ASTN2: variants seen among roughly 807,000 people sequenced by gnomAD.
ASTN2 encodes the protein astrotactin-2.
A neutral mutation model predicts 139.8 loss-of-function variants in ASTN2; 54 were observed. The ratio of observed to expected loss-of-function variants is 0.39; its 90% CI spans 0.31 to 0.48. The LOEUF is 0.48. ASTN2 is among the 20% of genes least tolerant of loss of function. The probability of loss-of-function intolerance (pLI) is 0.95; values close to 1 mark genes in which losing one functional copy is unlikely to be tolerated. For synonymous variants in ASTN2, 756 were observed against 719.5 expected (o/e 1.05, Z -0.81); for missense variants, 1,565 against 1,725.1 (o/e 0.91, Z 1.64).
chr9:116,827,460 A>T (rs994972318), intron 11 of ASTN2, among the ~76,000 whole-genome samples: 1 of 152,092 alleles, frequency 6.6e-6, no homozygotes, highest in Non-Finnish European at 1.5e-5. Context: ...TGAAAAAATA[A>T]TTTTTTGAAA....
At chr9:117,362,132 G>T (rs1003023569) in intron 1 of ASTN2, among the ~76,000 whole-genome samples, 6 of 152,092 alleles carry the variant, frequency 3.9e-5, no homozygotes, top group African/African-American at 1.4e-4. Context: ...GCACCAACAG[G>T]TCCAGCTAAT....
At chr9:116,586,126 T>C (rs976528456) in intron 19 of ASTN2, 3 of 152,176 alleles carry the variant, frequency 2.0e-5, no homozygotes, top group Admixed American at 6.5e-5. Flanking sequence ...GAATGGCTAT[T>C]ATCAAAAAGT....
intron 5 of ASTN2, among the ~76,000 whole-genome samples, chr9:117,079,260 G>A (rs1038514239): frequency 3.4e-4 from 52 of 152,154 alleles, no homozygotes; most frequent in Admixed American, 1.1e-3. Context: ...GGGGGCTGGG[G>A]AAGGAGGATT....
chr9:116,990,932 A>G (rs1431239523), intron 7 of ASTN2, among the ~76,000 whole-genome samples: 1 of 152,164 alleles, frequency 6.6e-6, no homozygotes, highest in African/African-American at 2.4e-5. Flanking sequence ...AGGTCACCTG[A>G]ACTTACCTGA....
chr9:117,105,432 A>T (rs1043771493), intron 4 of ASTN2, among the ~76,000 whole-genome samples: 5 of 152,056 alleles, frequency 3.3e-5, no homozygotes, highest in African/African-American at 1.2e-4. Flanking sequence ...GGTGGCAAAA[A>T]CATGAGAGAA....
intron 5 of ASTN2, among the ~76,000 whole-genome samples, chr9:117,078,772 G>C: frequency 6.6e-6 from 1 of 152,068 alleles, no homozygotes; most frequent in Admixed American, 6.6e-5. Flanking sequence ...GTCTCACTCT[G>C]CTCCTCAGTC....
chr9:116,559,901 CTTAGT>C (rs1170303067), intron 19 of ASTN2, among the ~76,000 whole-genome samples: 1 of 152,114 alleles, frequency 6.6e-6, no homozygotes, highest in African/African-American at 2.4e-5. Flanking sequence ...CCTCTTTCTT[CTTAGT>C]TTACTCTTCA....
chr9:117,319,866 G>T (rs1348711793), intron 1 of ASTN2, among the ~76,000 whole-genome samples: 1 of 152,134 alleles, frequency 6.6e-6, no homozygotes, highest in Admixed American at 6.5e-5. Flanking sequence ...AACCCATCAA[G>T]ACATTTAGTG....
chr9:116,705,381 G>A (rs803917), intron 16 of ASTN2, among the ~76,000 whole-genome samples: 101,146 of 152,010 alleles, frequency 0.67, 34,314 homozygotes, highest in East Asian at 0.87. Context: ...CCCTGCAACC[G>A]CAAAGGAAAA....
chr9:117,283,436 G>C (rs79955587), intron 2 of ASTN2, among the ~76,000 whole-genome samples: 1 of 151,820 alleles, frequency 6.6e-6, no homozygotes, highest in Admixed American at 6.6e-5. Flanking sequence ...AAAAAAAAAC[G>C]TGAATGATAC....
intron 7 of ASTN2, among the ~76,000 whole-genome samples, chr9:117,004,410 C>T (rs1207708706): frequency 6.6e-6 from 1 of 152,134 alleles, no homozygotes; most frequent in Non-Finnish European, 1.5e-5. Context: ...TGAGGCATCG[C>T]ACCTGGCCCA....
intron 3 of ASTN2, among the ~76,000 whole-genome samples, chr9:117,201,808 A>G (rs1366583787): frequency 6.6e-6 from 1 of 152,166 alleles, no homozygotes; most frequent in African/African-American, 2.4e-5. Context: ...AGAAGAATGT[A>G]TATTCTGCTG....
chr9:116,921,692 T>TA (rs1338670209), intron 10 of ASTN2, among the ~76,000 whole-genome samples: 1 of 151,834 alleles, frequency 6.6e-6, no homozygotes, highest in Non-Finnish European at 1.5e-5. Context: ...TCAGGAAACT[T>TA]ACAATCGTGT....
intron 13 of ASTN2, among the ~76,000 whole-genome samples, chr9:116,797,289 A>C (rs531019107): frequency 1.3e-5 from 2 of 152,348 alleles, no homozygotes; most frequent in African/African-American, 4.8e-5. Flanking sequence ...AGTGGTTTGA[A>C]AAAAGAAAGT....
chr9:116,906,527 A>G (rs576167310), intron 10 of ASTN2, among the ~76,000 whole-genome samples: 2 of 152,120 alleles, frequency 1.3e-5, no homozygotes, highest in Non-Finnish European at 2.9e-5. Context: ...CCCAACGCCC[A>G]TGGAATGCCA....
At chr9:116,798,542 C>T (rs1453149038) in intron 13 of ASTN2, among the ~76,000 whole-genome samples, 1 of 152,198 alleles carries the variant, frequency 6.6e-6, no homozygotes, top group Non-Finnish European at 1.5e-5. Flanking sequence ...GTCTGTGCTT[C>T]AGTGTCCCAC....
At position 116,699,529 on chromosome 9, in the gene ASTN2, G is replaced by T. The variant is rs750300057; in HGVS notation, c.2806+26242C>A. On this transcript the variant is annotated intron_variant, in intron 16 of 22. Coordinates refer to ENST00000313400, the MANE Select transcript of ASTN2 (RefSeq NM_001365068.1). This position sits in a 1 kb window ranked among gnomAD's most constrained non-coding sequence, Gnocchi z 4.2. ...GATCTCATCGTGGCTGACAGTAGTCGCAAGGAAATTCTCCATTTTCCTAAG... is the reference window on the plus strand; with the variant it reads ...GATCTCATCGTGGCTGACAGTAGTCTCAAGGAAATTCTCCATTTTCCTAAG... The T allele has an allele frequency of 1.2e-6, 2 of 1,614,160 alleles. No homozygotes were observed. The highest frequency in any genetic ancestry group is 1.7e-6 in the Non-Finnish European group (2 of 1,180,026).
chr9:116,597,476 G>A (rs1226306565), intron 19 of ASTN2, among the ~76,000 whole-genome samples: 1 of 151,686 alleles, frequency 6.6e-6, no homozygotes, highest in East Asian at 1.9e-4. Flanking sequence ...GTATTTAGTA[G>A]AGACGGGCTT....
At chr9:116,609,203 A>G (rs543568187) in intron 19 of ASTN2, among the ~76,000 whole-genome samples, 131 of 151,714 alleles carry the variant, frequency 8.6e-4, no homozygotes, top group African/African-American at 3.1e-3. Context: ...TAATGAAACC[A>G]TAAATCCACA....
Sources: allele counts gnomAD v4.1 joint callset (sites outside exome capture counted in the v4.1 genomes callset), GRCh38; gene constraint gnomAD v4.1.1; non-coding constraint Gnocchi (gnomAD v3.1); transcripts MANE v1.5; gene names NCBI Gene and HGNC (gene_info 2026-07-23, HGNC 2026-07-21).